The following IQCH variants were observed in gnomAD, a reference collection of about 807,000 sequenced individuals.
IQCH encodes the protein IQ motif containing H, also known as IQ domain-containing protein H.
In IQCH, 98 loss-of-function variants were observed where a neutral mutation model predicts 117.0. The observed-to-expected ratio is 0.84, with a 90% CI of 0.71 to 0.99. The LOEUF (loss-of-function observed/expected upper bound fraction) is 0.99. IQCH is among the 50% of genes least tolerant of loss of function. The pLI, the probability that IQCH is intolerant of heterozygous loss-of-function variation, is 0.00. For synonymous variants in IQCH, 412 were observed against 448.2 expected (o/e 0.92, Z 1.02); for missense variants, 1,102 against 1,243.8 (o/e 0.89, Z 1.72).
chr15:67,340,986 C>G (rs1464747117), intron 5 of IQCH, among the ~76,000 whole-genome samples: 1 of 152,062 alleles, frequency 6.6e-6, no homozygotes, highest in Non-Finnish European at 1.5e-5. Flanking sequence ...TGAAGGTAGA[C>G]GGATTGCTGG....
chr15:67,311,104 A>C (rs1048306973), intron 4 of IQCH, among the ~76,000 whole-genome samples: 1 of 152,094 alleles, frequency 6.6e-6, no homozygotes, highest in Non-Finnish European at 1.5e-5. Flanking sequence ...AGATTAAGCT[A>C]CTTGCCTGAG....
At chr15:67,287,812 C>A (rs754001580) in intron 4 of IQCH, among the ~76,000 whole-genome samples, 4 of 151,750 alleles carry the variant, frequency 2.6e-5, no homozygotes, top group Non-Finnish European at 5.9e-5. Context: ...TTTTCTAGTT[C>A]TTTAAGATGT....
intron 3 of IQCH, among the ~76,000 whole-genome samples, chr15:67,272,454 T>C (rs943305207): frequency 6.6e-6 from 1 of 152,184 alleles, no homozygotes; most frequent in Admixed American, 6.5e-5. Context: ...TGGTCTAGTA[T>C]GTAGTTTAAC....
rs142363311 is a variant in IQCH at position 67,353,880 on chromosome 15, A to T, written c.638-3465A>T. ...TAGAAAAATGTGAACTACCAAAAAT[A>T]ACTTGAGAAAAAATAACAAACTTAA... On this transcript the variant is annotated intron_variant, in intron 6 of 20. Coordinates refer to ENST00000335894, the MANE Select transcript of IQCH (RefSeq NM_001031715.3). Among the ~76,000 whole-genome samples the T allele has an allele frequency of 5.0e-4, 76 of 152,308 alleles. 1 individual carries two copies. Among genetic ancestry groups the T allele is most frequent in the African/African-American group, 1.8e-3 (73 of 41,584 alleles).
intron 8 of IQCH, chr15:67,360,112 T>A (rs975088184): frequency 3.0e-5 from 14 of 467,684 alleles, no homozygotes; most frequent in Non-Finnish European, 4.8e-5. Context: ...GAATTACTTC[T>A]CAGGCTTCAG....
intron 16 of IQCH, among the ~76,000 whole-genome samples, chr15:67,442,975 G>A (rs1363029508): frequency 6.6e-6 from 1 of 151,394 alleles, no homozygotes; most frequent in African/African-American, 2.4e-5. Context: ...GTAGTCACCT[G>A]GATGAGACTG....
At chr15:67,280,057 CAAT>C (rs998250299) in intron 4 of IQCH, among the ~76,000 whole-genome samples, 3 of 152,056 alleles carry the variant, frequency 2.0e-5, no homozygotes, top group African/African-American at 7.2e-5. Context: ...AATTACATCT[CAAT>C]GAAGCTGTTA....
At chr15:67,287,795 C>A (rs1227697698) in intron 4 of IQCH, among the ~76,000 whole-genome samples, 1 of 151,692 alleles carries the variant, frequency 6.6e-6, no homozygotes, top group Non-Finnish European at 1.5e-5. Flanking sequence ...GTTTGGTTTT[C>A]TCTTGATTTT....
intron 4 of IQCH, among the ~76,000 whole-genome samples, chr15:67,300,018 A>C (rs1453806344): frequency 6.6e-6 from 1 of 152,156 alleles, no homozygotes; most frequent in Non-Finnish European, 1.5e-5. Flanking sequence ...TAGGAATTAC[A>C]AAGTAGTGAT....
chr15:67,486,960 A>G (rs2083498691), intron 18 of IQCH, among the ~76,000 whole-genome samples: 1 of 152,204 alleles, frequency 6.6e-6, no homozygotes, highest in South Asian at 2.1e-4. Flanking sequence ...CAGCACAGTA[A>G]GGGATGCAAG....
chr15:67,369,507 A>AGG lies in IQCH; in HGVS notation c.754-2604_754-2603insGG, dbSNP rs1491270135. 2.1e-5 allele frequency among the ~76,000 whole-genome samples: 1 copy of AGG among 47,862 alleles called. No individual in the cohort carries two copies. Among genetic ancestry groups the AGG allele is most frequent in the Non-Finnish European group, 6.4e-5 (1 of 15,512 alleles). The allele number at this position is 47,862 out of a possible 152,430, so 31.4% of individuals were successfully genotyped here. On this transcript the variant is annotated intron_variant, in intron 8 of 20. Transcript: ENST00000335894. The surrounding 1 kb of genome is among the most constrained non-coding windows in gnomAD (Gnocchi z 5.2). ...GAAGGAAGAGAAAAAGAAAAAAGAG[A>AGG]AAGAAGAGAGGGAAGGGGAAAGAAG...
intron 4 of IQCH, among the ~76,000 whole-genome samples, chr15:67,334,304 A>T (rs547439058): frequency 2.6e-4 from 40 of 152,306 alleles, no homozygotes; most frequent in African/African-American, 9.1e-4. Flanking sequence ...CAGCACATTC[A>T]TAAAGCTGGT....
At chr15:67,340,588 T>C (rs6494649) in intron 5 of IQCH, among the ~76,000 whole-genome samples, 151,900 of 152,272 alleles carry the variant, frequency 1, 75,766 homozygotes, top group Non-Finnish European at 1. Context: ...ACTGAAACTA[T>C]GTAAATTACT....
chr15:67,494,943 T>C lies in IQCH; in HGVS notation c.2970+577T>C, dbSNP rs1013544395. Among the ~76,000 whole-genome samples, 1 of 152,182 alleles carries C rather than the reference T, an allele frequency of 6.6e-6. No individual in the cohort carries two copies. The highest frequency in any genetic ancestry group is 1.5e-5 in the Non-Finnish European group (1 of 68,032). On this transcript the variant is annotated intron_variant, in intron 20 of 20. Transcript: ENST00000335894. The surrounding 1 kb of genome is among the most constrained non-coding windows in gnomAD (Gnocchi z 5.5). ...AAAGATGTTGGTCTATCAAATCCAG[T>C]TGTGTATAATTGACTAGAAGTCTCC...
Position 67,372,625 on chromosome 15 carries a change from G to C in IQCH, c.1268G>C (p.Arg423Pro). Residue 423 changes from arginine (R) to proline (P), a missense_variant, in exon 9 of 21, where the codon CGT becomes CCT. By Grantham distance (103) the Arg-to-Pro change is moderately radical. This residue lies in a region of IQCH where 650 missense variants were observed against 794.3 expected (regional missense o/e 0.82). Transcript: ENST00000335894. ...TRLKKILKESRQRHLENFRIR... is the reference protein window; with the variant it reads ...TRLKKILKESPQRHLENFRIR... ...CTAAAGAAGATACTAAAGGAATCAC[G>C]TCAGAGACACCTGGAGAATTTTCGC... is the stretch of plus-strand genomic sequence containing the variant. The C allele has an allele frequency of 6.2e-7, 1 of 1,610,670 alleles. No individual in the cohort carries two copies.
chr15:67,500,726 C>A lies in IQCH; in HGVS notation c.3064C>A (p.Leu1022Ile). The change falls in exon 21 of 21, where the codon CTC becomes ATC. Residue 1022 changes from leucine (L) to isoleucine (I), a missense_variant. Leu to Ile is a conservative substitution (Grantham distance 5). Transcript: ENST00000335894. The surrounding 1 kb of genome is among the most constrained non-coding windows in gnomAD (Gnocchi z 4.4). Reference sequence around the variant, plus strand: ...GCAACAGTCCAAAGATGATAAAAACCTCTCTAAACCCAAGAAATGATCCTG... The same window carrying A: ...GCAACAGTCCAAAGATGATAAAAACATCTCTAAACCCAAGAAATGATCCTG... ...EEQQSKDDKN[L>I]SKPKK 3.8e-6 allele frequency: 6 copies of A among 1,581,450 alleles called. No individual in the cohort carries two copies. Among genetic ancestry groups the A allele is most frequent in the Non-Finnish European group, 5.2e-6 (6 of 1,155,970 alleles).
chr15:67,333,691 A>G (rs1596201034), intron 4 of IQCH, among the ~76,000 whole-genome samples: 1 of 152,220 alleles, frequency 6.6e-6, no homozygotes, highest in Non-Finnish European at 1.5e-5. Flanking sequence ...AAATATTAAC[A>G]ATAGTTAATT....
intron 4 of IQCH, among the ~76,000 whole-genome samples, chr15:67,316,541 T>C (rs1379601548): frequency 1.3e-5 from 2 of 152,116 alleles, no homozygotes; most frequent in Non-Finnish European, 2.9e-5. Flanking sequence ...TACTGGACTT[T>C]AATAGAAGGG....
rs566044337 is a variant in IQCH, at chr15:67,500,430, A to G, written c.2971-203A>G. On this transcript the variant is annotated intron_variant, in intron 20 of 20. Coordinates refer to ENST00000335894, the MANE Select transcript of IQCH (RefSeq NM_001031715.3). The surrounding 1 kb of genome is among the most constrained non-coding windows in gnomAD (Gnocchi z 4.4). ...GACATAATAGGCATAAAAATTCTAA[A>G]AAGTTTTCCAAATTCTTACTCTCAA... Among the ~76,000 whole-genome samples, 111 of 152,322 alleles carry G rather than the reference A, an allele frequency of 7.3e-4. No individual in the cohort carries two copies. Among genetic ancestry groups the G allele is most frequent in the African/African-American group, 2.6e-3 (109 of 41,576 alleles).
Sources: allele counts gnomAD v4.1 joint callset (sites outside exome capture counted in the v4.1 genomes callset), GRCh38; gene constraint gnomAD v4.1.1; regional missense constraint gnomAD v4.1.1; non-coding constraint Gnocchi (gnomAD v3.1); transcripts MANE v1.5; gene names NCBI Gene and HGNC (gene_info 2026-07-23, HGNC 2026-07-21).